The following TRIM69 variants were observed in gnomAD, a reference collection of about 807,000 sequenced individuals.
The protein encoded by TRIM69 is tripartite motif containing 69.
In TRIM69, 29 loss-of-function variants were observed where a neutral mutation model predicts 37.7. The ratio of observed to expected loss-of-function variants is 0.77; its 90% confidence interval spans 0.57 to 1.05. The LOEUF (loss-of-function observed/expected upper bound fraction) is 1.05. TRIM69 is among the 50% of genes least tolerant of loss of function. The pLI is 0.00. For missense variants in TRIM69, 596 were observed against 579.9 expected (o/e 1.03, Z -0.28); for synonymous variants, 209 against 212.4 (o/e 0.98, Z 0.14).
chr15:44,746,948 G>C (rs2087421568), intron 1 of TRIM69, among the ~76,000 whole-genome samples: 1 of 152,160 alleles, frequency 6.6e-6, no homozygotes, highest in Non-Finnish European at 1.5e-5. Flanking sequence ...AATGAAACTA[G>C]AGACATCAAA....
chr15:44,748,801 G>A (rs2087460143), intron 1 of TRIM69, among the ~76,000 whole-genome samples: 1 of 135,410 alleles, frequency 7.4e-6, no homozygotes, highest in African/African-American at 2.8e-5. Context: ...ACTCCAGCCT[G>A]GGCGACAGAG....
rs144379917 is a variant in TRIM69 at position 44,755,033 on chromosome 15, G to T, written c.140G>T (p.Trp47Leu). The change falls in exon 2 of 7, where the codon TGG (tryptophan) becomes TTG (leucine). Residue 47 changes from tryptophan to leucine, a missense_variant. Physicochemically the swap from Trp to Leu is moderately conservative, Grantham distance 61 (BLOSUM62 -2). Coordinates refer to ENST00000329464, the MANE Select transcript of TRIM69 (RefSeq NM_182985.5). ...CTACACTGCCCTCTGTGCAATGATT[G>T]GTTCCGAGACCCACTGATGCTAAGC... ...MELHCPLCND[W>L]FRDPLMLSCG... is the part of the protein sequence containing the mutation. The T allele has an allele frequency of 1.2e-4, 192 of 1,614,208 alleles. 3 individuals carry two copies. The highest frequency in any genetic ancestry group is 1.1e-3 in the South Asian group (97 of 91,086).
intron 6 of TRIM69, among the ~76,000 whole-genome samples, chr15:44,760,480 T>G (rs1467744607): frequency 6.6e-6 from 1 of 152,192 alleles, no homozygotes; most frequent in Non-Finnish European, 1.5e-5. Context: ...AAATTCTAAA[T>G]AGAGTTTTTA....
At chr15:44,752,290 C>T (rs1024593421) in intron 1 of TRIM69, among the ~76,000 whole-genome samples, 3 of 152,102 alleles carry the variant, frequency 2.0e-5, no homozygotes, top group Non-Finnish European at 4.4e-5. Flanking sequence ...TTTTGAGGCT[C>T]TGTTGTTGGG....
At position 44,755,047 on chromosome 15, in the gene TRIM69, C is replaced by T. The variant is rs772866631; in HGVS notation, c.154C>T (p.Leu52=). ...GTGCAATGATTGGTTCCGAGACCCA[C>T]TGATGCTAAGCTGTGGCCACAACTT... ...PLCNDWFRDP[L]MLSCGHNFCE... The change falls in exon 2 of 7, where the codon CTG becomes TTG. Residue 52 remains leucine (L), a synonymous_variant. Coordinates refer to ENST00000329464, the MANE Select transcript of TRIM69 (RefSeq NM_182985.5). 2 of 1,614,226 alleles carry T rather than the reference C, an allele frequency of 1.2e-6. No homozygotes were observed. The highest frequency in any genetic ancestry group is 1.7e-5 in the Admixed American group (1 of 60,032).
chr15:44,753,471 A>G (rs1338907321), intron 1 of TRIM69: 1 of 152,030 alleles, frequency 6.6e-6, no homozygotes, highest in Non-Finnish European at 1.5e-5. Context: ...CAGATATGTC[A>G]TCTCTCTCCT....
In TRIM69 at chr15:44,758,825, GAAC is replaced by G. The variant is rs1345757648; in HGVS notation, c.789_791del (p.Gln264del). ...GTTGGTGAGCATTCAGGCAAAGACG[GAAC>G]AACAGAACTCCTTCGACTTTCTCAA... On this transcript the variant is annotated inframe_deletion, in exon 4 of 7. Transcript: ENST00000329464. 1 of 1,613,784 alleles carries G rather than the reference GAAC, an allele frequency of 6.2e-7. No homozygotes were observed. The highest frequency in any genetic ancestry group is 1.7e-5 in the Admixed American group (1 of 59,950).
At chr15:44,742,053 A>G (rs2087299816) in intron 1 of TRIM69, among the ~76,000 whole-genome samples, 1 of 152,136 alleles carries the variant, frequency 6.6e-6, no homozygotes, top group Non-Finnish European at 1.5e-5. Context: ...ATGAACATTG[A>G]TGCAAAAATC....
At chr15:44,743,125 C>A (rs919680300) in intron 1 of TRIM69, among the ~76,000 whole-genome samples, 12 of 152,130 alleles carry the variant, frequency 7.9e-5, no homozygotes, top group Admixed American at 5.9e-4. Context: ...AGATAGAGAT[C>A]AATGGAACAG....
chr15:44,739,677 AG>A (rs2087239225), intron 1 of TRIM69, among the ~76,000 whole-genome samples: 1 of 152,014 alleles, frequency 6.6e-6, no homozygotes, highest in African/African-American at 2.4e-5. Context: ...AGGCTGTGGG[AG>A]GGGCGCCCAC....
rs758643466 is a variant in TRIM69 at position 44,755,301 on chromosome 15, A to G, written c.408A>G (p.Gln136=). 6.2e-7 allele frequency: 1 copy of G among 1,614,176 alleles called. No individual in the cohort carries two copies. The highest frequency in any genetic ancestry group is 1.1e-5 in the South Asian group (1 of 91,078). The part of the protein sequence containing the change: ...SKPDGKLICF[Q]CKDARLSVGQ... ...CAGATGGGAAACTGATCTGCTTTCAATGCAAGGATGCTCGGTTGTCTGTGG... is the reference window on the plus strand; with the variant it reads ...CAGATGGGAAACTGATCTGCTTTCAGTGCAAGGATGCTCGGTTGTCTGTGG... Residue 136 remains glutamine, a synonymous_variant, in exon 2 of 7, where the codon CAA becomes CAG. Coordinates refer to ENST00000329464, the MANE Select transcript of TRIM69 (RefSeq NM_182985.5).
intron 6 of TRIM69, among the ~76,000 whole-genome samples, chr15:44,764,967 T>C (rs2087855150): frequency 6.6e-6 from 1 of 152,210 alleles, no homozygotes; most frequent in Non-Finnish European, 1.5e-5. Flanking sequence ...CTATAAGGAC[T>C]CTGGATTTTA....
intron 4 of TRIM69, among the ~76,000 whole-genome samples, chr15:44,759,261 G>C (rs2087721933): frequency 6.6e-6 from 1 of 152,158 alleles, no homozygotes; most frequent in Admixed American, 6.5e-5. Flanking sequence ...CACCTCTAAA[G>C]AAGCGTTGGT....
At chr15:44,761,198 A>G (rs12912870) in intron 6 of TRIM69, among the ~76,000 whole-genome samples, 144,442 of 152,266 alleles carry the variant, frequency 0.95, 68,667 homozygotes, top group African/African-American at 0.98. Flanking sequence ...GATTACAGGT[A>G]TGAGCCACTG....
chr15:44,764,328 T>C (rs1223541386), intron 6 of TRIM69, among the ~76,000 whole-genome samples: 2 of 152,244 alleles, frequency 1.3e-5, no homozygotes, highest in Non-Finnish European at 2.9e-5. Flanking sequence ...TATTTATCCA[T>C]ATACTCTCCC....
intron 1 of TRIM69, among the ~76,000 whole-genome samples, chr15:44,741,838 C>T (rs1321365538): frequency 1.3e-5 from 2 of 151,110 alleles, no homozygotes; most frequent in South Asian, 4.2e-4. Context: ...GCTTACCAAC[C>T]AAAAAGAGTC....
intron 1 of TRIM69, among the ~76,000 whole-genome samples, chr15:44,739,149 A>C (rs2468067): frequency 0.88 from 134,687 of 152,204 alleles, 60,197 homozygotes; most frequent in Middle Eastern, 0.96. Context: ...CCCCAAAAGA[A>C]ATTCCATACC....
chr15:44,741,957 A>G (rs1160857910), intron 1 of TRIM69, among the ~76,000 whole-genome samples: 1 of 152,216 alleles, frequency 6.6e-6, no homozygotes, highest in African/African-American at 2.4e-5. Flanking sequence ...ATCCTCCCTA[A>G]CTCATTTTAT....
At chr15:44,755,562 G>A (rs958499418) in intron 2 of TRIM69, among the ~76,000 whole-genome samples, 186 bp downstream of exon 2, 1 of 152,220 alleles carries the variant, frequency 6.6e-6, no homozygotes, top group Non-Finnish European at 1.5e-5. Flanking sequence ...GAAAGGAACA[G>A]TGGAGGAGCC....
Sources: allele counts gnomAD v4.1 joint callset (sites outside exome capture counted in the v4.1 genomes callset), GRCh38; gene constraint gnomAD v4.1.1; transcripts MANE v1.5; gene names NCBI Gene and HGNC (gene_info 2026-07-23, HGNC 2026-07-21).